MAN2C1: variants seen among roughly 807,000 people sequenced by gnomAD.
The protein encoded by MAN2C1 is alpha-mannosidase 2C1.
A neutral mutation model predicts 126.9 loss-of-function variants in MAN2C1; 111 were observed. That is an observed-to-expected ratio of 0.87 (90% CI 0.75 to 1.02). The LOEUF is 1.02. Ranked by LOEUF, MAN2C1 falls within the 50% of genes least tolerant of loss-of-function variation. MAN2C1 has a pLI of 0.00. For synonymous variants in MAN2C1, 567 were observed against 561.5 expected (o/e 1.01, Z -0.14); for missense variants, 1,363 against 1,364.4 (o/e 1.00, Z 0.02).
At chr15:75,360,482 G>A in intron 13 of MAN2C1, 83 bp downstream of exon 13, 5 of 1,560,500 alleles carry the variant, frequency 3.2e-6, no homozygotes, top group Non-Finnish European at 4.3e-6. Context: ...ATCTGGCCTG[G>A]GCTCTGTCCC....
At chr15:75,364,797 CCACAG>C in intron 4 of MAN2C1, 132 bp from the exon 5 acceptor site, 3 of 711,586 alleles carry the variant, frequency 4.2e-6, no homozygotes, top group Non-Finnish European at 6.6e-6. Context: ...CCAGAGGATC[CCACAG>C]TGTGACAAGA....
chr15:75,359,893 T>G lies in MAN2C1; in HGVS notation c.1792+10A>C. 1 of 1,611,870 alleles carries G rather than the reference T, an allele frequency of 6.2e-7. No homozygotes were observed. Among genetic ancestry groups the G allele is most frequent in the Non-Finnish European group, 8.5e-7 (1 of 1,178,880 alleles). On this transcript the variant is annotated intron_variant, in intron 15 of 25. Transcript: ENST00000267978. ...TTGGAGAGAGCAGGCAGGACTATTG[T>G]GAGCCTAACCTTCATAATGGCACAT...
rs757208028 is a variant in MAN2C1, at chr15:75,364,105, G to A, written c.684C>T (p.Pro228=). The change falls in exon 6 of 26, where the codon CCC becomes CCT. Residue 228 remains proline (P), a synonymous_variant. Coordinates refer to ENST00000267978, the MANE Select transcript of MAN2C1 (RefSeq NM_006715.4). ...GGGCCTGGGCCACTGGGAAGGTCTC[G>A]GGCTGGGCAGGGTCACACACGTTCA... The part of the protein sequence containing the change: ...QMVNVCDPAQ[P]ETFPVAQALA... 5 of 1,614,154 alleles carry A rather than the reference G, an allele frequency of 3.1e-6. No homozygotes were observed. Among genetic ancestry groups the A allele is most frequent in the East Asian group, 2.2e-5 (1 of 44,868 alleles).
rs74023974 is a variant in MAN2C1 at position 75,364,422 on chromosome 15, C to A, written c.600+66G>T. The A allele has an allele frequency of 1.6e-3, 2,293 of 1,459,916 alleles. 36 individuals are homozygous for A. In the African/African-American group the frequency reaches 0.029, roughly 19 times the overall value. 90.4% of individuals were successfully genotyped at this position (1,459,916 alleles called of 1,614,324 possible). A position where few individuals can be genotyped will look rare whatever the true frequency, so the allele number is the denominator to read the frequency against. ...ATTCCCAGAGTCCCATTTATCTGAC[C>A]CAAAGAACAACCTTCTTGGAGCAGG... On this transcript the variant is annotated intron_variant, in intron 5 of 25. Transcript: ENST00000267978.
At chr15:75,367,946 G>T in intron 2 of MAN2C1, 127 bp downstream of exon 2, 2 of 1,257,252 alleles carry the variant, frequency 1.6e-6, no homozygotes, top group Non-Finnish European at 1.1e-6. Flanking sequence ...GCTGCTCCCA[G>T]CAGAGGGTGC....
chr15:75,368,233 G>A (rs773484441), intron 1 of MAN2C1, 35 bp from the exon 2 acceptor site: 7 of 1,571,296 alleles, frequency 4.5e-6, no homozygotes, highest in Admixed American at 1.8e-5. Context: ...CATGCTGGAG[G>A]CCGCCCCGTT....
At position 75,368,514 on chromosome 15, in the gene MAN2C1, G is replaced by A. The variant is rs755088055; in HGVS notation, c.70C>T (p.Leu24Phe). ...CGGAGGTTACAGTCGGTAAAGTAGAGCGGCGACACGAACTTCTCCACCCGC... is the reference window on the plus strand; with the variant it reads ...CGGAGGTTACAGTCGGTAAAGTAGAACGGCGACACGAACTTCTCCACCCGC... ...LERVEKFVSP[L>F]YFTDCNLRGR... The change falls in exon 1 of 26, where the codon CTC (leucine) becomes TTC (phenylalanine). Residue 24 changes from leucine (L) to phenylalanine (F), a missense_variant. By Grantham distance (22) the Leu-to-Phe change is conservative. This residue lies in a region of MAN2C1 where 628 missense variants were observed against 609.8 expected (regional missense o/e 1.03). Transcript: ENST00000267978. 23 of 1,556,050 alleles carry A rather than the reference G, an allele frequency of 1.5e-5. No individual in the cohort carries two copies. Among genetic ancestry groups the A allele is most frequent in the Admixed American group, 5.8e-5 (3 of 51,688 alleles).
chr15:75,359,865 G>A, intron 15 of MAN2C1, 38 bp downstream of exon 15: 1 of 1,611,414 alleles, frequency 6.2e-7, no homozygotes, highest in Non-Finnish European at 8.5e-7. Flanking sequence ...CTCAGCCCTG[G>A]GGTTGGAGAG....
Position 75,368,588 on chromosome 15 carries a change from G to T in MAN2C1, c.-5C>A. 6.5e-7 allele frequency: 1 copy of T among 1,538,978 alleles called. No homozygotes were observed. On this transcript the variant is annotated 5_prime_UTR_variant, in exon 1 of 26. Coordinates refer to ENST00000267978, the MANE Select transcript of MAN2C1 (RefSeq NM_006715.4). ...CAAGGCCGGCGCAGCCGCCATCGCCGGGCTCTCGCTCCTCTTTCCGGAAGG... is the reference window on the plus strand; with the variant it reads ...CAAGGCCGGCGCAGCCGCCATCGCCTGGCTCTCGCTCCTCTTTCCGGAAGG...
At position 75,368,519 on chromosome 15, in the gene MAN2C1, G is replaced by A. The variant is rs1253645292; in HGVS notation, c.65C>T (p.Ser22Leu). 8.4e-6 allele frequency: 13 copies of A among 1,556,274 alleles called. No homozygotes were observed. The highest frequency in any genetic ancestry group is 1.1e-5 in the Non-Finnish European group (13 of 1,150,746). The change falls in exon 1 of 26, where the codon TCG (serine) becomes TTG (leucine). Residue 22 changes from serine (S) to leucine (L), a missense_variant. Around this residue, in one of 3 missense-constraint regions of MAN2C1, gnomAD observed 628 missense variants for 609.8 expected, o/e 1.03. Transcript: ENST00000267978. ...GTTACAGTCGGTAAAGTAGAGCGGC[G>A]ACACGAACTTCTCCACCCGCTCCAG... ...TTLERVEKFV[S>L]PLYFTDCNLR...
Position 75,359,887 on chromosome 15 carries a change from C to CTATT in MAN2C1, c.1792+12_1792+15dup, listed in dbSNP as rs773681166. ...CTGGGGTTGGAGAGAGCAGGCAGGA[C>CTATT]TATTGTGAGCCTAACCTTCATAATG... On this transcript the variant is annotated intron_variant, in intron 15 of 25. Transcript: ENST00000267978. 3.7e-6 allele frequency: 6 copies of CTATT among 1,611,508 alleles called. No homozygotes were observed. Among genetic ancestry groups the CTATT allele is most frequent in the Non-Finnish European group, 1.7e-6 (2 of 1,178,726 alleles).
rs770772560 is a variant in MAN2C1 at position 75,362,747 on chromosome 15, G to C, written c.792C>G (p.Ala264=). 9 of 1,613,662 alleles carry C rather than the reference G, an allele frequency of 5.6e-6. No homozygotes were observed. The African/African-American group carries it at 1.2e-4, about 22-fold the overall frequency. The stretch of plus-strand genomic sequence containing the variant: ...CAGTCTCTTTGAAGGGCCAAAGCCA[G>C]GCTATACGGGGAGTGAGGTGGAGGA... The part of the protein sequence containing the change: ...HATGHCHIDT[A]WLWPFKETVR... Residue 264 remains alanine, a splice_region_variant and synonymous_variant, in exon 7 of 26, where the codon GCC becomes GCG. Coordinates refer to ENST00000267978, the MANE Select transcript of MAN2C1 (RefSeq NM_006715.4). This position sits in a 1 kb window ranked among gnomAD's most constrained non-coding sequence, Gnocchi z 4.5.
Position 75,359,086 on chromosome 15 carries a change from G to A in MAN2C1, c.2114C>T (p.Thr705Met). 4 of 1,613,982 alleles carry A rather than the reference G, an allele frequency of 2.5e-6. No homozygotes were observed. The highest frequency in any genetic ancestry group is 2.5e-6 in the Non-Finnish European group (3 of 1,180,010). ...RVKLDPTGRL[T>M]SLVLVASGRE... The stretch of plus-strand genomic sequence containing the variant: ...GCCAGAGGCCACCAGGACCAAGGAC[G>A]TCAGGCGACCAGTTGGGTCCAGCTT... Residue 705 changes from threonine to methionine, a missense_variant, in exon 18 of 26, where the codon ACG becomes ATG. Physicochemically the swap from Thr to Met is moderately conservative, Grantham distance 81. Around this residue, in one of 3 missense-constraint regions of MAN2C1, gnomAD observed 668 missense variants for 650.1 expected, o/e 1.03. Coordinates refer to ENST00000267978, the MANE Select transcript of MAN2C1 (RefSeq NM_006715.4).
chr15:75,362,885 T>A lies in MAN2C1; in HGVS notation c.791-137A>T. 1.4e-6 allele frequency: 1 copy of A among 699,798 alleles called. No individual in the cohort carries two copies. The highest frequency in any genetic ancestry group is 2.5e-6 in the Non-Finnish European group (1 of 406,740). The allele number at this position is 699,798 out of a possible 1,614,324, so 43.3% of individuals were successfully genotyped here. A position where few individuals can be genotyped will look rare whatever the true frequency, so the allele number is the denominator to read the frequency against. On this transcript the variant is annotated intron_variant, in intron 6 of 25. Transcript: ENST00000267978. This position sits in a 1 kb window ranked among gnomAD's most constrained non-coding sequence, Gnocchi z 4.5. ...AAAGCCCTGTGGTGTCCCTCCTAAG[T>A]GGTCACTTCACTTCACTCCAGCGAG...
chr15:75,366,042 G>GTACTCCAGA (rs2072568643), intron 4 of MAN2C1: 1 of 360,016 alleles, frequency 2.8e-6, no homozygotes, highest in Non-Finnish European at 5.5e-6. Context: ...AGCTGCGATC[G>GTACTCCAGA]TGCTACTGTA....
At chr15:75,360,287 C>A in intron 13 of MAN2C1, 76 bp from the exon 14 acceptor site, 1 of 1,575,702 alleles carries the variant, frequency 6.3e-7, no homozygotes. Flanking sequence ...CTCCCTTGCT[C>A]AGAATCCCTG....
At chr15:75,359,878 C>G in intron 15 of MAN2C1, 25 bp downstream of exon 15, 1 of 1,611,270 alleles carries the variant, frequency 6.2e-7, no homozygotes, top group Non-Finnish European at 8.5e-7. Context: ...TTGGAGAGAG[C>G]AGGCAGGACT....
In MAN2C1 at chr15:75,361,500, AGGGTTTGGT is replaced by A; in HGVS notation, c.1218+95_1218+103del. 1 of 1,263,296 alleles carries A rather than the reference AGGGTTTGGT, an allele frequency of 7.9e-7. No individual in the cohort carries two copies. The highest frequency in any genetic ancestry group is 1.2e-5 in the South Asian group (1 of 82,814). 78.3% of individuals were successfully genotyped at this position (1,263,296 alleles called of 1,614,324 possible). On this transcript the variant is annotated intron_variant, in intron 10 of 25. Transcript: ENST00000267978. The surrounding 1 kb of genome is among the most constrained non-coding windows in gnomAD (Gnocchi z 5.0). The stretch of plus-strand genomic sequence containing the variant: ...ATGTGACCCTGGCAGAGGCAGAGTG[AGGGTTTGGT>A]GGTCTGTCTAGGACCCCACAATAAG...
At chr15:75,360,234 A>C in intron 13 of MAN2C1, 23 bp from the exon 14 acceptor site, 1 of 1,604,142 alleles carries the variant, frequency 6.2e-7, no homozygotes, top group Non-Finnish European at 8.5e-7. Context: ...TGGGAAGATT[A>C]GTCTGGAGCC....
Sources: gnomAD v4.1 joint callset for allele counts on GRCh38, gnomAD v4.1.1 for gene constraint, gnomAD v4.1.1 regional missense constraint, Gnocchi (gnomAD v3.1) non-coding constraint, MANE v1.5 for transcripts, NCBI Gene and HGNC (gene_info 2026-07-23, HGNC 2026-07-21) for gene names.